PLSCR4: variants seen among roughly 807,000 people sequenced by gnomAD.
The protein encoded by PLSCR4 is Ca(2+)-dependent phospholipid scramblase 4.
Under a neutral mutation model 36.3 loss-of-function variants are expected in PLSCR4, and 25 were observed. That is an observed-to-expected ratio of 0.69 (90% CI 0.50 to 0.96). PLSCR4 has a LOEUF of 0.96. Among genes scored for constraint, PLSCR4 ranks in the 40% least tolerant of loss-of-function variants. The pLI is 0.00. For missense variants in PLSCR4, 408 were observed against 414.7 expected, an observed-to-expected ratio of 0.98 and a Z score of 0.14; for synonymous variants, 122 against 132.9, an observed-to-expected ratio of 0.92 and a Z score of 0.56.
At chr3:146,219,921 C>G (rs2035061747) in intron 3 of PLSCR4, among the ~76,000 whole-genome samples, 1 of 151,950 alleles carries the variant, frequency 6.6e-6, no homozygotes, top group South Asian at 2.1e-4. Context: ...GCCTGGGCAA[C>G]AAGACTGAAA....
intron 3 of PLSCR4, among the ~76,000 whole-genome samples, chr3:146,216,466 T>G (rs1184264030): frequency 6.6e-6 from 1 of 152,108 alleles, no homozygotes; most frequent in Non-Finnish European, 1.5e-5. Flanking sequence ...TAACTAAAAC[T>G]TATTGAGCTC....
chr3:146,243,518 C>T (rs1433279456), intron 1 of PLSCR4, among the ~76,000 whole-genome samples: 1 of 152,050 alleles, frequency 6.6e-6, no homozygotes, highest in Non-Finnish European at 1.5e-5. Flanking sequence ...AACCCTAATC[C>T]AAAAGTCCAA....
chr3:146,210,820 G>A (rs1294811542), intron 3 of PLSCR4, among the ~76,000 whole-genome samples: 1 of 149,312 alleles, frequency 6.7e-6, no homozygotes, highest in Non-Finnish European at 1.5e-5. Context: ...TCATGTAAAT[G>A]AAAACATACA....
chr3:146,243,844 C>A (rs1377124270), intron 1 of PLSCR4, among the ~76,000 whole-genome samples: 1 of 152,118 alleles, frequency 6.6e-6, no homozygotes, highest in African/African-American at 2.4e-5. Context: ...CACTTGGCTA[C>A]TTCTGATATT....
intron 1 of PLSCR4, among the ~76,000 whole-genome samples, chr3:146,236,559 G>A (rs1357161973): frequency 6.6e-6 from 1 of 152,114 alleles, no homozygotes; most frequent in African/African-American, 2.4e-5. Flanking sequence ...TAATGAGTAA[G>A]TCTTATGAGA....
chr3:146,230,702 A>G (rs772628638), intron 1 of PLSCR4, among the ~76,000 whole-genome samples: 88 of 152,208 alleles, frequency 5.8e-4, no homozygotes, highest in Middle Eastern at 3.2e-3. Context: ...GGAGAGGGAC[A>G]GGAGGAAGAA....
At chr3:146,242,975 C>A (rs576548138) in intron 1 of PLSCR4, among the ~76,000 whole-genome samples, 1 of 152,248 alleles carries the variant, frequency 6.6e-6, no homozygotes, top group Admixed American at 6.5e-5. Context: ...TATTTCTCCA[C>A]CAGAGAAAGC....
chr3:146,208,488 C>G (rs370754416), intron 3 of PLSCR4, among the ~76,000 whole-genome samples: 1 of 151,716 alleles, frequency 6.6e-6, no homozygotes, highest in Non-Finnish European at 1.5e-5. Flanking sequence ...GCAGAGTAAA[C>G]AGACAACCCA....
At chr3:146,226,082 G>A (rs1484270845) in intron 1 of PLSCR4, among the ~76,000 whole-genome samples, 1 of 151,796 alleles carries the variant, frequency 6.6e-6, no homozygotes, top group Non-Finnish European at 1.5e-5. Context: ...AAATGCTAGG[G>A]AATTAAAAAC....
chr3:146,244,899 C>T lies in PLSCR4; in HGVS notation c.-22+6061G>A, dbSNP rs371562373. Among the ~76,000 whole-genome samples, 103 of 152,040 alleles carry T rather than the reference C, an allele frequency of 6.8e-4. No homozygotes were observed. In the South Asian group the frequency reaches 8.9e-3, roughly 13 times the overall value. The stretch of plus-strand genomic sequence containing the variant: ...AGATTCCTCTGATGAATCTAGGCAA[C>T]GTAAATTGAAAACTTTCTAAAAAGG... On this transcript the variant is annotated intron_variant, in intron 1 of 8. Transcript: ENST00000354952.
rs1359891344 is a variant in PLSCR4 at position 146,194,261 on chromosome 3, G to C, written c.*150C>G. 2.2e-5 allele frequency: 14 copies of C among 627,382 alleles called. No individual in the cohort carries two copies. Among genetic ancestry groups the C allele is most frequent in the Non-Finnish European group, 3.7e-5 (13 of 348,618 alleles). 38.9% of individuals were successfully genotyped at this position (627,382 alleles called of 1,614,324 possible). A position where few individuals can be genotyped will look rare whatever the true frequency, so the allele number is the denominator to read the frequency against. ...ACACTTTTAGATTGTGTTCTTGCAA[G>C]CCCACTCTCAGCTGTCAAAGTTAAC... On this transcript the variant is annotated 3_prime_UTR_variant, in exon 9 of 9. Coordinates refer to ENST00000354952, the MANE Select transcript of PLSCR4 (RefSeq NM_020353.3).
Position 146,193,218 on chromosome 3 carries a change from A to T in PLSCR4, c.*1193T>A, listed in dbSNP as rs2033499777. 2.6e-5 allele frequency: 4 copies of T among 152,324 alleles called. No individual in the cohort carries two copies. In the South Asian group the frequency reaches 8.3e-4, roughly 32 times the overall value. The allele number at this position is 152,324 out of a possible 1,614,324, so 9.4% of individuals were successfully genotyped here. A position where few individuals can be genotyped will look rare whatever the true frequency, so the allele number is the denominator to read the frequency against. On this transcript the variant is annotated 3_prime_UTR_variant, in exon 9 of 9. Coordinates refer to ENST00000354952, the MANE Select transcript of PLSCR4 (RefSeq NM_020353.3). The stretch of plus-strand genomic sequence containing the variant: ...CATATTATTTACTGGCATGCTGTAG[A>T]CCATAGAGAAATAGAATGTTTACTG...
intron 1 of PLSCR4, among the ~76,000 whole-genome samples, chr3:146,233,487 G>A (rs558724961): frequency 1.4e-4 from 22 of 152,156 alleles, no homozygotes; most frequent in African/African-American, 5.1e-4. Flanking sequence ...TTTTAGAGAA[G>A]TTTTAAGGCA....
rs1306708157 is a variant in PLSCR4, at chr3:146,194,119, T to C, written c.*292A>G. 4 of 283,224 alleles carry C rather than the reference T, an allele frequency of 1.4e-5. No homozygotes were observed. Among genetic ancestry groups the C allele is most frequent in the Non-Finnish European group, 2.6e-5 (4 of 153,170 alleles). 17.5% of individuals were successfully genotyped at this position (283,224 alleles called of 1,614,324 possible). On this transcript the variant is annotated 3_prime_UTR_variant, in exon 9 of 9. Transcript: ENST00000354952. ...TTAATATGAGAACTCTGGATTCATTTTCCCTTATCTCATGTTTATAGTGTT... is the reference window on the plus strand; with the variant it reads ...TTAATATGAGAACTCTGGATTCATTCTCCCTTATCTCATGTTTATAGTGTT...
intron 7 of PLSCR4, 47 bp from the exon 8 acceptor site, chr3:146,195,329 G>A (rs2033675015): frequency 6.9e-7 from 1 of 1,456,166 alleles, no homozygotes; most frequent in Non-Finnish European, 9.6e-7. Context: ...ACGCATTGAA[G>A]CATGTTTTAA....
chr3:146,200,955 T>G lies in PLSCR4; in HGVS notation c.397+80A>C, dbSNP rs186332247. ...TTGAGCCACTAAAACATGATCAATA[T>G]AAAGAAGGAACTAGATATTGGATAA... On this transcript the variant is annotated intron_variant, in intron 5 of 8. Transcript: ENST00000354952. The G allele has an allele frequency of 2.9e-4, 259 of 884,440 alleles. 1 individual carries two copies. The African/African-American group carries it at 3.3e-3, about 11-fold the overall frequency. The allele number at this position is 884,440 out of a possible 1,614,324, so 54.8% of individuals were successfully genotyped here. A position where few individuals can be genotyped will look rare whatever the true frequency, so the allele number is the denominator to read the frequency against.
chr3:146,196,798 A>C lies in PLSCR4; in HGVS notation c.625-5T>G, dbSNP rs754862535. The stretch of plus-strand genomic sequence containing the variant: ...AGGAGGACACTGCACCTCCAGCTGC[A>C]AACAAAACAGTGACAGAAGTTAGGA... On this transcript the variant is annotated splice_region_variant and splice_polypyrimidine_tract_variant and intron_variant, in intron 6 of 8. Coordinates refer to ENST00000354952, the MANE Select transcript of PLSCR4 (RefSeq NM_020353.3). 6.2e-7 allele frequency: 1 copy of C among 1,613,462 alleles called. No individual in the cohort carries two copies. The highest frequency in any genetic ancestry group is 8.5e-7 in the Non-Finnish European group (1 of 1,179,640).
At chr3:146,245,494 T>C (rs1207595574) in intron 1 of PLSCR4, among the ~76,000 whole-genome samples, 1 of 152,018 alleles carries the variant, frequency 6.6e-6, no homozygotes, top group African/African-American at 2.4e-5. Flanking sequence ...AAAACGAAAA[T>C]AGTAGTGATT....
At position 146,232,070 on chromosome 3, in the gene PLSCR4, A is replaced by G. The variant is rs570252049; in HGVS notation, c.-21-9978T>C. On this transcript the variant is annotated intron_variant, in intron 1 of 8. Coordinates refer to ENST00000354952, the MANE Select transcript of PLSCR4 (RefSeq NM_020353.3). ...ACGGTGTACAGTTACAGTCTTCTGCATATGGCTAGCCAGTTATCCCTGCAC... is the reference window on the plus strand; with the variant it reads ...ACGGTGTACAGTTACAGTCTTCTGCGTATGGCTAGCCAGTTATCCCTGCAC... Among the ~76,000 whole-genome samples the G allele has an allele frequency of 3.9e-5, 6 of 152,326 alleles. No individual in the cohort carries two copies. The East Asian group carries it at 9.6e-4, about 24-fold the overall frequency.
Sources: allele counts gnomAD v4.1 joint callset (sites outside exome capture counted in the v4.1 genomes callset), GRCh38; gene constraint gnomAD v4.1.1; transcripts MANE v1.5; gene names NCBI Gene and HGNC (gene_info 2026-07-23, HGNC 2026-07-21).